AK8: variants seen among roughly 807,000 people sequenced by gnomAD.
AK8 encodes adenylate kinase 8, also known as ATP-AMP transphosphorylase 8.
Under a neutral mutation model 54.6 loss-of-function variants are expected in AK8, and 44 were observed. The observed-to-expected ratio is 0.81, with a 90% CI of 0.63 to 1.04. The LOEUF is 1.04. Among genes scored for constraint, AK8 ranks in the 50% least tolerant of loss-of-function variants. The probability of loss-of-function intolerance (pLI) is 0.00; values close to 1 mark genes in which losing one functional copy is unlikely to be tolerated. For missense variants in AK8, 555 were observed against 613.6 expected (o/e 0.90, Z 1.01); for synonymous variants, 239 against 245.6 (o/e 0.97, Z 0.25).
At position 132,803,788 on chromosome 9, in the gene AK8, T is replaced by C. The variant is rs931813952; in HGVS notation, c.979+10850A>G. On this transcript the variant is annotated intron_variant, in intron 10 of 12. Coordinates refer to ENST00000298545, the MANE Select transcript of AK8 (RefSeq NM_152572.3). The surrounding 1 kb of genome is among the most constrained non-coding windows in gnomAD (Gnocchi z 4.4). Reference sequence around the variant, plus strand: ...ATCCTTCAGGCTGCATGCTGCCCCCTGTGACCTGTCTCCTCTTTGTTCCTT... The same window carrying C: ...ATCCTTCAGGCTGCATGCTGCCCCCCGTGACCTGTCTCCTCTTTGTTCCTT... 3.8e-4 allele frequency among the ~76,000 whole-genome samples: 58 copies of C among 152,192 alleles called. No individual in the cohort carries two copies. Among genetic ancestry groups the C allele is most frequent in the African/African-American group, 1.3e-3 (55 of 41,520 alleles).
chr9:132,785,765 C>T (rs994382700), intron 11 of AK8, among the ~76,000 whole-genome samples: 1 of 152,342 alleles, frequency 6.6e-6, no homozygotes, highest in African/African-American at 2.4e-5. Flanking sequence ...GGGCTCCACC[C>T]ATGCATCCAG....
rs920740231 is a variant in AK8 at position 132,788,696 on chromosome 9, C to T, written c.1121+3938G>A. 2.6e-5 allele frequency among the ~76,000 whole-genome samples: 4 copies of T among 152,066 alleles called. No homozygotes were observed. The South Asian group carries it at 6.2e-4, about 24-fold the overall frequency. On this transcript the variant is annotated intron_variant, in intron 11 of 12. Transcript: ENST00000298545. The stretch of plus-strand genomic sequence containing the variant: ...AGAAAAGAGAGAAATTCGAATTGAC[C>T]AAACACCCTGAACAAAATCAATCAA...
intron 11 of AK8, among the ~76,000 whole-genome samples, chr9:132,746,670 G>A (rs753735279): frequency 1.8e-4 from 28 of 152,224 alleles, no homozygotes; most frequent in African/African-American, 6.5e-4. Flanking sequence ...CCTTAATTGC[G>A]CAGTGGACAG....
chr9:132,743,503 C>T (rs1229751743), intron 11 of AK8, among the ~76,000 whole-genome samples: 1 of 152,218 alleles, frequency 6.6e-6, no homozygotes, highest in Non-Finnish European at 1.5e-5. Flanking sequence ...ACAGCACTGT[C>T]GCTACCCACC....
In AK8 at chr9:132,770,513, G is replaced by A. The variant is rs1838919043; in HGVS notation, c.1121+22121C>T. On this transcript the variant is annotated intron_variant, in intron 11 of 12. Transcript: ENST00000298545. The surrounding 1 kb of genome is among the most constrained non-coding windows in gnomAD (Gnocchi z 4.3). ...GGAGCGGGCTGGGAGCGCGGGGGAT[G>A]CCCCTCGCCCTGCACGCGCGCCCTG... Among the ~76,000 whole-genome samples the A allele has an allele frequency of 6.6e-6, 1 of 152,170 alleles. No homozygotes were observed. The highest frequency in any genetic ancestry group is 2.1e-4 in the South Asian group (1 of 4,832).
intron 11 of AK8, among the ~76,000 whole-genome samples, chr9:132,738,406 G>A (rs1288522324): frequency 6.6e-6 from 1 of 151,924 alleles, no homozygotes. Context: ...CCCAATGACT[G>A]TTCAACTCTT....
intron 11 of AK8, among the ~76,000 whole-genome samples, chr9:132,744,247 G>T (rs535489767): frequency 1.3e-5 from 2 of 152,218 alleles, no homozygotes; most frequent in South Asian, 4.2e-4. Context: ...CAGCTGCCTT[G>T]CCTAAAGAAT....
At chr9:132,873,981 G>A (rs544877686) in intron 2 of AK8, among the ~76,000 whole-genome samples, 1 of 152,302 alleles carries the variant, frequency 6.6e-6, no homozygotes, top group African/African-American at 2.4e-5. Context: ...CAGGAAGGTG[G>A]GTTTGGGGAG....
At chr9:132,849,613 G>A (rs1052732676) in intron 5 of AK8, among the ~76,000 whole-genome samples, 3 of 152,178 alleles carry the variant, frequency 2.0e-5, no homozygotes, top group Admixed American at 2.0e-4. Context: ...ACTGTTCAGA[G>A]CCAGTGTTGC....
intron 9 of AK8, among the ~76,000 whole-genome samples, chr9:132,817,422 T>A (rs534145408): frequency 6.6e-6 from 1 of 152,108 alleles, no homozygotes; most frequent in South Asian, 2.1e-4. Context: ...ATGACACACA[T>A]GTCAGAATCA....
chr9:132,736,247 C>A (rs934458665), intron 11 of AK8, among the ~76,000 whole-genome samples: 52 of 144,018 alleles, frequency 3.6e-4, no homozygotes, highest in African/African-American at 1.3e-3. Flanking sequence ...AGTGGAATGG[C>A]GCAATCTTGG....
intron 9 of AK8, among the ~76,000 whole-genome samples, chr9:132,820,033 T>TA (rs1036697740): frequency 6.6e-6 from 1 of 151,118 alleles, no homozygotes; most frequent in Non-Finnish European, 1.5e-5. Context: ...CATACACCTG[T>TA]AGTCCCAGCT....
At chr9:132,756,979 T>C (rs779177836) in intron 11 of AK8, among the ~76,000 whole-genome samples, 3 of 152,256 alleles carry the variant, frequency 2.0e-5, no homozygotes, top group Non-Finnish European at 4.4e-5. Flanking sequence ...CAAATGTTTA[T>C]TGCCTCTCTA....
At position 132,870,546 on chromosome 9, in the gene AK8, G is replaced by A. The variant is rs148765629; in HGVS notation, c.170-3593C>T. On this transcript the variant is annotated intron_variant, in intron 2 of 12. Coordinates refer to ENST00000298545, the MANE Select transcript of AK8 (RefSeq NM_152572.3). Reference sequence around the variant, plus strand: ...GAAACATACCATTATATACACCATCGCCTGCTTTAATATTGCCCAGGGCTA... The same window carrying A: ...GAAACATACCATTATATACACCATCACCTGCTTTAATATTGCCCAGGGCTA... 2.6e-5 allele frequency among the ~76,000 whole-genome samples: 4 copies of A among 152,274 alleles called. No homozygotes were observed. In the East Asian group the frequency reaches 7.7e-4, roughly 29 times the overall value.
chr9:132,824,188 T>TG (rs1049111367), intron 8 of AK8, among the ~76,000 whole-genome samples: 1 of 152,160 alleles, frequency 6.6e-6, no homozygotes, highest in African/African-American at 2.4e-5. Flanking sequence ...CTAATGAGGC[T>TG]GTAAAGGCAG....
chr9:132,769,973 T>C (rs952252074), intron 11 of AK8: 2 of 152,144 alleles, frequency 1.3e-5, no homozygotes, highest in African/African-American at 2.4e-5. Flanking sequence ...TTTCCTCCAT[T>C]AGTCTTACAA....
At chr9:132,835,246 G>A (rs1382367035) in intron 5 of AK8, among the ~76,000 whole-genome samples, 6 of 152,178 alleles carry the variant, frequency 3.9e-5, no homozygotes, top group Non-Finnish European at 8.8e-5. Flanking sequence ...TGCCCCTGAA[G>A]CCACTCCATG....
At position 132,770,389 on chromosome 9, in the gene AK8, G is replaced by A. The variant is rs1015133294; in HGVS notation, c.1121+22245C>T. On this transcript the variant is annotated intron_variant, in intron 11 of 12. Coordinates refer to ENST00000298545, the MANE Select transcript of AK8 (RefSeq NM_152572.3). The surrounding 1 kb of genome is among the most constrained non-coding windows in gnomAD (Gnocchi z 4.3). ...CGCTCGATGGCGTCCAGGGGCCTCT[G>A]GGTTTGACTTTCATGGCTATGAATC... is the stretch of plus-strand genomic sequence containing the variant. 4.6e-5 allele frequency among the ~76,000 whole-genome samples: 7 copies of A among 152,318 alleles called. No homozygotes were observed. The highest frequency in any genetic ancestry group is 7.4e-5 in the Non-Finnish European group (5 of 68,018).
At chr9:132,839,880 C>T (rs1235029547) in intron 5 of AK8, among the ~76,000 whole-genome samples, 3 of 149,372 alleles carry the variant, frequency 2.0e-5, no homozygotes, top group Admixed American at 6.7e-5. Flanking sequence ...TGCAGTGGCG[C>T]GATCTCGGCT....
Sources: allele counts gnomAD v4.1 joint callset (sites outside exome capture counted in the v4.1 genomes callset), GRCh38; gene constraint gnomAD v4.1.1; non-coding constraint Gnocchi (gnomAD v3.1); transcripts MANE v1.5; gene names NCBI Gene and HGNC (gene_info 2026-07-23, HGNC 2026-07-21).